The following VKORC1L1 variants were observed in gnomAD, a reference collection of about 807,000 sequenced individuals.
The protein encoded by VKORC1L1 is vitamin K epoxide reductase complex subunit 1L1, also known as vitamin K epoxide reductase complex subunit 1-like protein 1.
Under a neutral mutation model 18.9 loss-of-function variants are expected in VKORC1L1, and 2 were observed. That is an observed-to-expected ratio of 0.11 (90% CI 0.04 to 0.33). VKORC1L1 has a LOEUF of 0.33. VKORC1L1 is among the 10% of genes least tolerant of loss of function. VKORC1L1 has a pLI of 1.00. For missense variants in VKORC1L1, 123 were observed against 224.1 expected, an observed-to-expected ratio of 0.55 and a Z score of 2.88; for synonymous variants, 96 against 100.0, an observed-to-expected ratio of 0.96 and a Z score of 0.24.
intron 1 of VKORC1L1, among the ~76,000 whole-genome samples, chr7:65,935,640 G>T (rs1789930728): frequency 6.6e-6 from 1 of 152,014 alleles, no homozygotes; most frequent in Non-Finnish European, 1.5e-5. Context: ...AAATTGGTAG[G>T]CATTTGAATT....
At chr7:65,889,486 A>G (rs1261714742) in intron 1 of VKORC1L1, among the ~76,000 whole-genome samples, 1 of 152,186 alleles carries the variant, frequency 6.6e-6, no homozygotes. Flanking sequence ...AATTCAATCA[A>G]TCACCAGGCC....
chr7:65,907,278 T>G lies in VKORC1L1; in HGVS notation c.194+33713T>G, dbSNP rs560493211. 2.6e-5 allele frequency among the ~76,000 whole-genome samples: 4 copies of G among 152,054 alleles called. No individual in the cohort carries two copies. The East Asian group carries it at 7.8e-4, about 29-fold the overall frequency. On this transcript the variant is annotated intron_variant, in intron 1 of 2. Coordinates refer to ENST00000360768, the MANE Select transcript of VKORC1L1 (RefSeq NM_173517.6). ...CAACATGGTGAAACCCCGTCTCTAC[T>G]AAAAATACAAAAATTAGGCATGGTG... is the stretch of plus-strand genomic sequence containing the variant.
At chr7:65,899,995 T>TCA (rs57416389) in intron 1 of VKORC1L1, among the ~76,000 whole-genome samples, 9 of 149,772 alleles carry the variant, frequency 6.0e-5, no homozygotes, top group South Asian at 2.1e-4. Context: ...AGTGAAACTG[T>TCA]CACACACACA....
chr7:65,915,082 C>CTTTTT (rs11359717), intron 1 of VKORC1L1, among the ~76,000 whole-genome samples: 1 of 141,048 alleles, frequency 7.1e-6, no homozygotes. Flanking sequence ...TATTTTTTTT[C>CTTTTT]TTTTTTTTTT....
intron 1 of VKORC1L1, among the ~76,000 whole-genome samples, chr7:65,877,879 G>A (rs1788855265): frequency 6.6e-6 from 1 of 152,090 alleles, no homozygotes; most frequent in African/African-American, 2.4e-5. Flanking sequence ...GCATACTCAA[G>A]TCCCCACTGT....
intron 1 of VKORC1L1, among the ~76,000 whole-genome samples, chr7:65,890,870 A>G (rs1259463159): frequency 1.3e-5 from 2 of 152,222 alleles, no homozygotes; most frequent in African/African-American, 4.8e-5. Flanking sequence ...TACAGCCTGA[A>G]GAGTATTTTA....
At chr7:65,889,559 G>A (rs970775871) in intron 1 of VKORC1L1, among the ~76,000 whole-genome samples, 43 of 152,200 alleles carry the variant, frequency 2.8e-4, no homozygotes, top group African/African-American at 9.2e-4. Flanking sequence ...TCATTGAGCG[G>A]TGCATCTTTT....
At chr7:65,920,482 G>A (rs1026307139) in intron 1 of VKORC1L1, among the ~76,000 whole-genome samples, 5 of 152,170 alleles carry the variant, frequency 3.3e-5, no homozygotes, top group Non-Finnish European at 5.9e-5. Context: ...AGGAGACACC[G>A]TTATTGATTA....
intron 1 of VKORC1L1, among the ~76,000 whole-genome samples, chr7:65,945,543 C>T (rs555252865): frequency 2.0e-5 from 3 of 149,638 alleles, no homozygotes; most frequent in African/African-American, 4.9e-5. Context: ...ACCTGGGAGG[C>T]GGAACTTGCA....
intron 1 of VKORC1L1, among the ~76,000 whole-genome samples, chr7:65,928,278 A>G (rs558996498): frequency 1.1e-4 from 13 of 118,532 alleles, no homozygotes; most frequent in Middle Eastern, 5.7e-3. Context: ...TTTTTTTCAG[A>G]TGGGGTCTCA....
intron 1 of VKORC1L1, among the ~76,000 whole-genome samples, chr7:65,917,729 C>T (rs1246878266): frequency 6.6e-6 from 1 of 152,214 alleles, no homozygotes; most frequent in Non-Finnish European, 1.5e-5. Context: ...TAAAAACTTT[C>T]TCCTAAGTAC....
At chr7:65,932,326 G>A (rs937696049) in intron 1 of VKORC1L1, among the ~76,000 whole-genome samples, 16 of 152,280 alleles carry the variant, frequency 1.1e-4, no homozygotes, top group African/African-American at 3.9e-4. Context: ...TCGAACATCT[G>A]AGCTCAAGTG....
Position 65,923,834 on chromosome 7 carries a change from T to C in VKORC1L1, c.195-24837T>C, listed in dbSNP as rs1425493783. Among the ~76,000 whole-genome samples the C allele has an allele frequency of 2.0e-5, 3 of 152,202 alleles. No homozygotes were observed. The East Asian group carries it at 5.8e-4, about 29-fold the overall frequency. ...TTCAGAGGACAGAGCTGAGAGGTTT[T>C]GGACAGGAAAGGAATGAGACATTAG... is the stretch of plus-strand genomic sequence containing the variant. On this transcript the variant is annotated intron_variant, in intron 1 of 2. Transcript: ENST00000360768.
intron 1 of VKORC1L1, among the ~76,000 whole-genome samples, chr7:65,945,892 G>A (rs1790112381): frequency 6.6e-6 from 1 of 151,360 alleles, no homozygotes; most frequent in African/African-American, 2.4e-5. Context: ...AATTTTGGCA[G>A]TATGCCATTT....
chr7:65,900,428 T>C (rs903625372), intron 1 of VKORC1L1, among the ~76,000 whole-genome samples: 7 of 150,422 alleles, frequency 4.7e-5, no homozygotes, highest in Non-Finnish European at 1.0e-4. Context: ...AAAAATAAAA[T>C]GTTACACACA....
intron 1 of VKORC1L1, among the ~76,000 whole-genome samples, chr7:65,916,523 T>A (rs553742649): frequency 2.6e-5 from 4 of 152,158 alleles, no homozygotes; most frequent in Non-Finnish European, 5.9e-5. Flanking sequence ...CTAGATTCTT[T>A]TAGGGGGAAA....
At chr7:65,906,691 C>G (rs1789411365) in intron 1 of VKORC1L1, among the ~76,000 whole-genome samples, 1 of 152,120 alleles carries the variant, frequency 6.6e-6, no homozygotes, top group Admixed American at 6.6e-5. Context: ...TAATGCTAGA[C>G]ATACATGGTA....
intron 1 of VKORC1L1, among the ~76,000 whole-genome samples, chr7:65,906,482 TACTG>T (rs1789408704): frequency 6.6e-6 from 1 of 152,216 alleles, no homozygotes; most frequent in Non-Finnish European, 1.5e-5. Context: ...ATTTTTGACT[TACTG>T]GCCTATTTTG....
intron 1 of VKORC1L1, among the ~76,000 whole-genome samples, chr7:65,932,096 T>TTTG (rs1009595516): frequency 6.6e-6 from 1 of 152,036 alleles, no homozygotes; most frequent in Non-Finnish European, 1.5e-5. Flanking sequence ...GTTCTTTGGG[T>TTTG]TTGTTGTTGT....
Sources: allele counts gnomAD v4.1 joint callset (sites outside exome capture counted in the v4.1 genomes callset), GRCh38; gene constraint gnomAD v4.1.1; transcripts MANE v1.5; gene names NCBI Gene and HGNC (gene_info 2026-07-23, HGNC 2026-07-21).